The following SEC62 variants were observed in gnomAD, a reference collection of about 807,000 sequenced individuals.
SEC62 encodes the protein translocation protein SEC62.
A neutral mutation model predicts 47.5 loss-of-function variants in SEC62; 10 were observed. That is an observed-to-expected ratio of 0.21 (90% CI 0.13 to 0.36). The LOEUF (loss-of-function observed/expected upper bound fraction) is 0.36. SEC62 is among the 10% of genes least tolerant of loss of function. The probability of loss-of-function intolerance (pLI) is 1.00; values close to 1 mark genes in which losing one functional copy is unlikely to be tolerated. For synonymous variants in SEC62, 136 were observed against 150.5 expected (o/e 0.90, Z 0.71); for missense variants, 327 against 464.1 (o/e 0.70, Z 2.71).
intron 7 of SEC62, 40 bp downstream of exon 7, chr3:169,988,399 G>T: frequency 6.2e-7 from 1 of 1,605,654 alleles, no homozygotes; most frequent in African/African-American, 1.3e-5. Context: ...AAGAAGGTTG[G>T]TATTGAGCAG....
At position 169,996,873 on chromosome 3, in the gene SEC62, T is replaced by G. The variant is rs545960453; in HGVS notation, c.*3810T>G. On this transcript the variant is annotated 3_prime_UTR_variant, in exon 8 of 8. Coordinates refer to ENST00000337002, the MANE Select transcript of SEC62 (RefSeq NM_003262.4). ...TACCTATACTTATCTCCTCATAATATCTTCATGTAAAGAACCATCTGTTTC... is the reference window on the plus strand; with the variant it reads ...TACCTATACTTATCTCCTCATAATAGCTTCATGTAAAGAACCATCTGTTTC... 4 of 152,314 alleles carry G rather than the reference T, an allele frequency of 2.6e-5. No homozygotes were observed. The East Asian group carries it at 5.8e-4, about 22-fold the overall frequency. 9.4% of individuals were successfully genotyped at this position (152,314 alleles called of 1,614,324 possible).
intron 1 of SEC62, among the ~76,000 whole-genome samples, chr3:169,972,021 A>C (rs1415069246): frequency 6.6e-6 from 1 of 152,148 alleles, no homozygotes; most frequent in Non-Finnish European, 1.5e-5. Context: ...CAGATATCTA[A>C]ATTTCTTTCC....
At chr3:169,979,575 T>C (rs1256364452) in intron 3 of SEC62, among the ~76,000 whole-genome samples, 1 of 152,182 alleles carries the variant, frequency 6.6e-6, no homozygotes, top group Non-Finnish European at 1.5e-5. Context: ...TTTTTTCTTC[T>C]AGTCTTTTTC....
chr3:169,990,150 A>C (rs1032588749), intron 7 of SEC62, among the ~76,000 whole-genome samples: 3 of 151,408 alleles, frequency 2.0e-5, no homozygotes, highest in Non-Finnish European at 2.9e-5. Flanking sequence ...TGCCCAGGGT[A>C]AAGTACCATG....
At position 169,993,362 on chromosome 3, in the gene SEC62, A is replaced by T. The variant is rs1715293794; in HGVS notation, c.*299A>T. The T allele has an allele frequency of 3.9e-6, 1 of 256,034 alleles. No individual in the cohort carries two copies. The highest frequency in any genetic ancestry group is 7.4e-6 in the Non-Finnish European group (1 of 134,620). 15.9% of individuals were successfully genotyped at this position (256,034 alleles called of 1,614,324 possible). On this transcript the variant is annotated 3_prime_UTR_variant, in exon 8 of 8. Transcript: ENST00000337002. ...CACAGTTAAATTTACATTAATGGCA[A>T]TTTTTGATAGTTTTATGGCTTTTTA...
intron 1 of SEC62, among the ~76,000 whole-genome samples, chr3:169,972,515 A>AG (rs1714722239): frequency 6.6e-6 from 1 of 151,396 alleles, no homozygotes; most frequent in Non-Finnish European, 1.5e-5. Context: ...ACCAGGGCTC[A>AG]GGTGGTCTTC....
Position 169,986,085 on chromosome 3 carries a change from G to A in SEC62, c.610+220G>A, listed in dbSNP as rs2287485. Among the ~76,000 whole-genome samples the A allele has an allele frequency of 6.2e-3, 948 of 152,142 alleles. 44 individuals are homozygous for A. The East Asian group carries it at 0.13, about 21-fold the overall frequency. ...AACAAACTGATAGAAAAATGGTCAA[G>A]GTAGTTAACAGATAAAGAAATACAA... On this transcript the variant is annotated intron_variant, in intron 6 of 7. Coordinates refer to ENST00000337002, the MANE Select transcript of SEC62 (RefSeq NM_003262.4).
Position 169,993,053 on chromosome 3 carries a change from A to T in SEC62, c.1190A>T (p.Glu397Val), listed in dbSNP as rs758933075. ...GGAGAAACACCTAAATCTTCACATG[A>T]AAAATCATAATCTGACTAATTTTGG... Reference protein sequence around the residue: ...NDGETPKSSHEKS With the variant: ...NDGETPKSSHVKS The change falls in exon 8 of 8, where the codon GAA becomes GTA. Residue 397 changes from glutamate to valine, a missense_variant. By Grantham distance (121) the Glu-to-Val change is moderately radical. This residue lies in a region of SEC62 where 102 missense variants were observed against 108.8 expected (regional missense o/e 0.94). Coordinates refer to ENST00000337002, the MANE Select transcript of SEC62 (RefSeq NM_003262.4). 61 of 1,595,686 alleles carry T rather than the reference A, an allele frequency of 3.8e-5. No individual in the cohort carries two copies. Among genetic ancestry groups the T allele is most frequent in the Non-Finnish European group, 4.6e-5 (54 of 1,171,834 alleles).
At chr3:169,968,628 T>C (rs1264165415) in intron 1 of SEC62, 1 of 152,180 alleles carries the variant, frequency 6.6e-6, no homozygotes, top group Admixed American at 6.5e-5. Flanking sequence ...ATTAAAAGTG[T>C]TTGGCACGCA....
chr3:169,976,686 TC>T (rs1215899340), intron 2 of SEC62, among the ~76,000 whole-genome samples: 1 of 152,234 alleles, frequency 6.6e-6, no homozygotes, highest in African/African-American at 2.4e-5. Context: ...TTTGAATATT[TC>T]CCCATTAATT....
chr3:169,984,253 A>G (rs1478580447), intron 5 of SEC62, among the ~76,000 whole-genome samples: 2 of 152,140 alleles, frequency 1.3e-5, no homozygotes, highest in African/African-American at 4.8e-5. Context: ...ACTGATGTGA[A>G]CCCCTTGTTG....
Position 169,995,068 on chromosome 3 carries a change from A to G in SEC62, c.*2005A>G, listed in dbSNP as rs556512885. 6 of 152,354 alleles carry G rather than the reference A, an allele frequency of 3.9e-5. No homozygotes were observed. Among genetic ancestry groups the G allele is most frequent in the Admixed American group, 6.5e-5 (1 of 15,300 alleles). The allele number at this position is 152,354 out of a possible 1,614,324, so 9.4% of individuals were successfully genotyped here. On this transcript the variant is annotated 3_prime_UTR_variant, in exon 8 of 8. Coordinates refer to ENST00000337002, the MANE Select transcript of SEC62 (RefSeq NM_003262.4). ...CAAGTTGTGTACTTTAAACAAATATAAAAATCAAAAGGCTGCCTCTATTAC... is the reference window on the plus strand; with the variant it reads ...CAAGTTGTGTACTTTAAACAAATATGAAAATCAAAAGGCTGCCTCTATTAC...
chr3:169,967,955 T>C (rs1444396574), intron 1 of SEC62, among the ~76,000 whole-genome samples: 1 of 152,144 alleles, frequency 6.6e-6, no homozygotes. Flanking sequence ...AAAATTCTTC[T>C]GTAAACTTTT....
rs1308817982 is a variant in SEC62, at chr3:169,993,721, A to G, written c.*658A>G. Reference sequence around the variant, plus strand: ...GTCGTCTCCAGCAGAGAAAGTGAACAGCATTTGTTGGAAGGTGATGGCTCT... The same window carrying G: ...GTCGTCTCCAGCAGAGAAAGTGAACGGCATTTGTTGGAAGGTGATGGCTCT... On this transcript the variant is annotated 3_prime_UTR_variant, in exon 8 of 8. Transcript: ENST00000337002. The G allele has an allele frequency of 6.5e-6, 1 of 152,674 alleles. No individual in the cohort carries two copies. Among genetic ancestry groups the G allele is most frequent in the Non-Finnish European group, 1.5e-5 (1 of 68,058 alleles). 9.5% of individuals were successfully genotyped at this position (152,674 alleles called of 1,614,324 possible). A position where few individuals can be genotyped will look rare whatever the true frequency, so the allele number is the denominator to read the frequency against.
At chr3:169,983,048 T>C in intron 4 of SEC62, 113 bp from the exon 5 acceptor site, 1 of 1,467,282 alleles carries the variant, frequency 6.8e-7, no homozygotes, top group Admixed American at 2.3e-5. Flanking sequence ...ATACCGTGGT[T>C]GAGAATTTTT....
chr3:169,977,414 C>T (rs989259246), intron 3 of SEC62, among the ~76,000 whole-genome samples: 5 of 151,896 alleles, frequency 3.3e-5, no homozygotes, highest in Non-Finnish European at 7.4e-5. Flanking sequence ...GCTGTGTTAC[C>T]GCTACTTTTT....
chr3:169,969,206 T>G, intron 1 of SEC62: 1 of 422,574 alleles, frequency 2.4e-6, no homozygotes, highest in East Asian at 7.1e-5. Context: ...CTTTGCACAT[T>G]GGGGAGAAAT....
At position 169,996,889 on chromosome 3, in the gene SEC62, C is replaced by T. The variant is rs1235764217; in HGVS notation, c.*3826C>T. ...CTCATAATATCTTCATGTAAAGAAC[C>T]ATCTGTTTCTTATTGGAATCAAGAC... On this transcript the variant is annotated 3_prime_UTR_variant, in exon 8 of 8. Coordinates refer to ENST00000337002, the MANE Select transcript of SEC62 (RefSeq NM_003262.4). 2 of 152,120 alleles carry T rather than the reference C, an allele frequency of 1.3e-5. No homozygotes were observed. Among genetic ancestry groups the T allele is most frequent in the East Asian group, 3.8e-4 (2 of 5,196 alleles). The allele number at this position is 152,120 out of a possible 1,614,324, so 9.4% of individuals were successfully genotyped here. A position where few individuals can be genotyped will look rare whatever the true frequency, so the allele number is the denominator to read the frequency against.
At chr3:169,969,011 A>G (rs1382936891) in intron 1 of SEC62, among the ~76,000 whole-genome samples, 3 of 152,218 alleles carry the variant, frequency 2.0e-5, no homozygotes, top group African/African-American at 2.4e-5. Context: ...ATCAGAAACT[A>G]TAATACATCA....
Sources: allele counts gnomAD v4.1 joint callset (sites outside exome capture counted in the v4.1 genomes callset), GRCh38; gene constraint gnomAD v4.1.1; regional missense constraint gnomAD v4.1.1; transcripts MANE v1.5; gene names NCBI Gene and HGNC (gene_info 2026-07-23, HGNC 2026-07-21).